The following SERPINB7 variants were observed in gnomAD, a reference collection of about 807,000 sequenced individuals.
SERPINB7 encodes the protein serpin family B member 7, also known as serpin B7.
In SERPINB7, 31 loss-of-function variants were observed where a neutral mutation model predicts 37.4. That is an observed-to-expected ratio of 0.83 (90% CI 0.62 to 1.12). SERPINB7 has a LOEUF of 1.12. Among genes scored for constraint, SERPINB7 ranks in the 50% most tolerant of loss-of-function variants. SERPINB7 has a pLI of 0.00. For synonymous variants in SERPINB7, 163 were observed against 166.1 expected, an observed-to-expected ratio of 0.98 and a Z score of 0.14; for missense variants, 521 against 455.3, an observed-to-expected ratio of 1.14 and a Z score of -1.31.
At chr18:63,762,153 C>G (rs1461148976) in intron 1 of SERPINB7, among the ~76,000 whole-genome samples, 1 of 152,126 alleles carries the variant, frequency 6.6e-6, no homozygotes, top group Non-Finnish European at 1.5e-5. Context: ...TCCACAGTAA[C>G]CCTGCAATGT....
In SERPINB7 at chr18:63,792,441, C is replaced by T. The variant is rs1278697688; in HGVS notation, c.217C>T (p.Gln73Ter). ...ASGYGNSSNS[Q>*]SGLQSQLKRV... The stretch of plus-strand genomic sequence containing the variant: ...AGGATATGGAAACTCTTCTAATAGT[C>T]AGGTAAAGACAATATGTTCTTTTAG... Residue 73 changes from glutamine (Q) to a stop codon, truncating the protein, a stop_gained and splice_region_variant, in exon 3 of 8, where the codon CAG (glutamine) becomes TAG (stop). Transcript: ENST00000398019. LOFTEE classifies it high-confidence loss of function. 2.5e-6 allele frequency: 4 copies of T among 1,584,268 alleles called. No individual in the cohort carries two copies. The highest frequency in any genetic ancestry group is 1.1e-5 in the South Asian group (1 of 90,262).
intron 6 of SERPINB7, 137 bp from the exon 7 acceptor site, chr18:63,800,729 G>T: frequency 1.2e-6 from 1 of 820,688 alleles, no homozygotes; most frequent in Non-Finnish European, 1.9e-6. Flanking sequence ...AACCACTATT[G>T]GTAACATGTC....
chr18:63,774,689 G>C (rs1381109758), upstream of SERPINB7, among the ~76,000 whole-genome samples: 1 of 152,104 alleles, frequency 6.6e-6, no homozygotes, highest in East Asian at 1.9e-4. Context: ...TCCATTGCCA[G>C]ATCAGAAGGG....
In SERPINB7 at chr18:63,793,201, T is replaced by C. The variant is rs755408809; in HGVS notation, c.260T>C (p.Ile87Thr). The C allele has an allele frequency of 8.7e-6, 14 of 1,604,904 alleles. No homozygotes were observed. The East Asian group carries it at 2.7e-4, about 31-fold the overall frequency. ...CAACTGAAAAGAGTTTTTTCTGATA[T>C]AAATGCATCCCACAAGGATTATGAT... is the stretch of plus-strand genomic sequence containing the variant. Reference protein sequence around the residue: ...QSQLKRVFSDINASHKDYDLS... With the variant: ...QSQLKRVFSDTNASHKDYDLS... The change falls in exon 4 of 8, where the codon ATA becomes ACA. Residue 87 changes from isoleucine to threonine, a missense_variant. Coordinates refer to ENST00000398019, the MANE Select transcript of SERPINB7 (RefSeq NM_003784.4).
At chr18:63,768,239 T>C (rs981936413) in intron 1 of SERPINB7, among the ~76,000 whole-genome samples, 3 of 151,680 alleles carry the variant, frequency 2.0e-5, no homozygotes, top group South Asian at 2.1e-4. Context: ...AGTGAAAGTA[T>C]AGATTATTGG....
chr18:63,767,564 A>T (rs551714703), intron 1 of SERPINB7, among the ~76,000 whole-genome samples: 1 of 152,250 alleles, frequency 6.6e-6, no homozygotes, highest in East Asian at 1.9e-4. Context: ...TTATACTAAC[A>T]TGCTTTCTAA....
intron 2 of SERPINB7, among the ~76,000 whole-genome samples, chr18:63,790,400 G>A (rs1009503154): frequency 2.0e-5 from 3 of 152,094 alleles, no homozygotes; most frequent in African/African-American, 7.2e-5. Flanking sequence ...TCAGCTTTGG[G>A]GAGGAAGCAT....
chr18:63,801,028 C>T lies in SERPINB7; in HGVS notation c.744+16C>T. 6.2e-7 allele frequency: 1 copy of T among 1,609,596 alleles called. No individual in the cohort carries two copies. The highest frequency in any genetic ancestry group is 1.1e-5 in the South Asian group (1 of 89,892). On this transcript the variant is annotated intron_variant, in intron 7 of 7. Coordinates refer to ENST00000398019, the MANE Select transcript of SERPINB7 (RefSeq NM_003784.4). ...CCTCTCTGAAGTAAGTTACGACTGT[C>T]ATTTTCACTATTGGGAAATAAGACT... is the stretch of plus-strand genomic sequence containing the variant.
At chr18:63,793,999 A>G (rs956391452) in intron 4 of SERPINB7, among the ~76,000 whole-genome samples, 2 of 151,014 alleles carry the variant, frequency 1.3e-5, no homozygotes, top group Non-Finnish European at 2.9e-5. Flanking sequence ...GATGGAGTGC[A>G]CTGGCGCAAT....
At chr18:63,781,689 G>C (rs1167319304) in intron 1 of SERPINB7, among the ~76,000 whole-genome samples, 1 of 151,996 alleles carries the variant, frequency 6.6e-6, no homozygotes, top group Non-Finnish European at 1.5e-5. Flanking sequence ...CTGCACCCTG[G>C]GTTCTCTAGG....
chr18:63,788,704 C>T (rs2049397330), intron 2 of SERPINB7, among the ~76,000 whole-genome samples: 1 of 152,154 alleles, frequency 6.6e-6, no homozygotes, highest in Non-Finnish European at 1.5e-5. Flanking sequence ...ATGGGAAGTG[C>T]CTATACTGTT....
rs2049339453 is a variant in SERPINB7, at chr18:63,783,977, T to C, written c.168+1437T>C. 2.6e-5 allele frequency among the ~76,000 whole-genome samples: 4 copies of C among 152,248 alleles called. No homozygotes were observed. In the South Asian group the frequency reaches 8.3e-4, roughly 32 times the overall value. ...AACTACAGAGTCTTAGACTGCTGTT[T>C]TTTTCAAGCGCTAGAGCGGTTTACA... On this transcript the variant is annotated intron_variant, in intron 2 of 7. Transcript: ENST00000398019.
In SERPINB7 at chr18:63,792,535, G is replaced by A. The variant is rs1027909841; in HGVS notation, c.219+92G>A. 3.3e-5 allele frequency: 27 copies of A among 817,080 alleles called. No homozygotes were observed. The African/African-American group carries it at 3.8e-4, about 11-fold the overall frequency. The allele number at this position is 817,080 out of a possible 1,614,324, so 50.6% of individuals were successfully genotyped here. A position where few individuals can be genotyped will look rare whatever the true frequency, so the allele number is the denominator to read the frequency against. Reference sequence around the variant, plus strand: ...ACCAGAACTTTGGAAGGCTGAGGCGGGTGGATGACTGGAGCCCAGGAGTTC... The same window carrying A: ...ACCAGAACTTTGGAAGGCTGAGGCGAGTGGATGACTGGAGCCCAGGAGTTC... On this transcript the variant is annotated intron_variant, in intron 3 of 7. Transcript: ENST00000398019.
upstream of SERPINB7, among the ~76,000 whole-genome samples, chr18:63,774,109 C>A: frequency 6.6e-6 from 1 of 151,860 alleles, no homozygotes; most frequent in East Asian, 1.9e-4. Flanking sequence ...ATATTAACAA[C>A]AACCTTCTCC....
intron 2 of SERPINB7, among the ~76,000 whole-genome samples, chr18:63,783,214 GAGAGAGAGAGAGAGAGAGAGAA>G (rs1327187236): frequency 8.7e-4 from 61 of 69,966 alleles, no homozygotes; most frequent in South Asian, 1.2e-3. Context: ...GAGAGAGAGA[GAGAGAGAGAGAGAGAGAGAGAA>G]AGAAAGAAAG....
chr18:63,766,797 A>G lies in SERPINB7; in HGVS notation c.-19+13677A>G, dbSNP rs76773417. On this transcript the variant is annotated intron_variant, in intron 1 of 7. Transcript: ENST00000336429. Reference sequence around the variant, plus strand: ...TGGATAAAACTATCTGTCTGACATTACCATCTAAAGGCTGCTCAAACCATT... The same window carrying G: ...TGGATAAAACTATCTGTCTGACATTGCCATCTAAAGGCTGCTCAAACCATT... 3.5e-4 allele frequency among the ~76,000 whole-genome samples: 53 copies of G among 152,246 alleles called. No individual in the cohort carries two copies. The East Asian group carries it at 9.1e-3, about 26-fold the overall frequency.
chr18:63,780,085 T>G (rs1197247929), intron 1 of SERPINB7, among the ~76,000 whole-genome samples: 1 of 152,178 alleles, frequency 6.6e-6, no homozygotes, highest in Non-Finnish European at 1.5e-5. Flanking sequence ...TATGAAAACA[T>G]TAAAATACAC....
At chr18:63,800,763 T>A in intron 6 of SERPINB7, 103 bp from the exon 7 acceptor site, 6 of 1,357,562 alleles carry the variant, frequency 4.4e-6, no homozygotes, top group Non-Finnish European at 6.0e-6. Flanking sequence ...CAGGGTCAAC[T>A]GAGCAAAAAT....
upstream of SERPINB7, among the ~76,000 whole-genome samples, chr18:63,770,567 A>T (rs2049204655): frequency 6.6e-6 from 1 of 152,090 alleles, no homozygotes; most frequent in Non-Finnish European, 1.5e-5. Context: ...CTCAGGAATT[A>T]ATGACAGGAT....
Sources: allele counts gnomAD v4.1 joint callset (sites outside exome capture counted in the v4.1 genomes callset), GRCh38; gene constraint gnomAD v4.1.1; transcripts MANE v1.5; gene names NCBI Gene and HGNC (gene_info 2026-07-23, HGNC 2026-07-21).